Variants in ADCY7 observed in about 807,000 individuals in gnomAD.
ADCY7 encodes the protein adenylate cyclase 7.
A neutral mutation model predicts 120.6 loss-of-function variants in ADCY7; 72 were observed. That is an observed-to-expected ratio of 0.60 (90% CI 0.49 to 0.73). The LOEUF (loss-of-function observed/expected upper bound fraction) is 0.73, where lower values mean the gene tolerates loss of function less well. Ranked by LOEUF, ADCY7 falls within the 30% of genes least tolerant of loss-of-function variation. ADCY7 has a pLI of 0.00. For synonymous variants in ADCY7, 661 were observed against 628.0 expected, an observed-to-expected ratio of 1.05 and a Z score of -0.78; for missense variants, 1,227 against 1,486.0, an observed-to-expected ratio of 0.83 and a Z score of 2.87.
At chr16:50,306,911 C>T (rs749366682) in intron 14 of ADCY7, 139 bp from the exon 15 acceptor site, 88 of 650,350 alleles carry the variant, frequency 1.4e-4, no homozygotes, top group East Asian at 8.7e-4. Context: ...CCTCCTTCCT[C>T]GGCTCCCAAA....
chr16:50,311,929 C>T (rs1567582461), intron 20 of ADCY7, 107 bp from the exon 21 acceptor site: 1 of 1,537,280 alleles, frequency 6.5e-7, no homozygotes, highest in East Asian at 2.3e-5. Context: ...GTCCCCTGGC[C>T]AGAGGCTCCA....
upstream of ADCY7, among the ~76,000 whole-genome samples, chr16:50,262,471 C>T (rs552253388): frequency 6.6e-5 from 10 of 152,032 alleles, no homozygotes; most frequent in East Asian, 7.8e-4. Flanking sequence ...GGGATTCAGG[C>T]GCCTGCCCTC....
At chr16:50,247,216 G>A (rs2032616954) in intron 1 of ADCY7, among the ~76,000 whole-genome samples, 4 of 152,246 alleles carry the variant, frequency 2.6e-5, no homozygotes, top group Admixed American at 2.6e-4. Context: ...CCTTGTAGAA[G>A]GGAGTTTGTG....
intron 22 of ADCY7, chr16:50,313,632 G>A (rs1274865976): frequency 3.4e-6 from 1 of 293,470 alleles, no homozygotes. Context: ...AAGCCAAACA[G>A]AGGAAATCAG....
At chr16:50,261,790 C>T (rs2033064546), upstream of ADCY7, among the ~76,000 whole-genome samples, 1 of 152,228 alleles carries the variant, frequency 6.6e-6, no homozygotes, top group Admixed American at 6.5e-5. Context: ...CCTGAAGGCT[C>T]CTCTTCATCC....
intron 23 of ADCY7, 51 bp downstream of exon 23, chr16:50,314,113 GAC>G (rs1269122680): frequency 6.4e-7 from 1 of 1,560,930 alleles, no homozygotes; most frequent in Non-Finnish European, 8.8e-7. Context: ...ACTTAAAGGT[GAC>G]CTGTCACCTT....
At position 50,304,509 on chromosome 16, in the gene ADCY7, G is replaced by A. The variant is rs139251427; in HGVS notation, c.1518G>A (p.Val506=). ...PFAHLNHRES[V]SSGETHVPNG... ...CACATCTCAACCACCGTGAGAGCGT[G>A]AGCAGTGGTGAGACCCACGTCCCCA... Residue 506 remains valine, a synonymous_variant, in exon 11 of 26, where the codon GTG becomes GTA. Transcript: ENST00000673801. 49 of 1,593,306 alleles carry A rather than the reference G, an allele frequency of 3.1e-5. No individual in the cohort carries two copies. Among genetic ancestry groups the A allele is most frequent in the Non-Finnish European group, 3.1e-5 (36 of 1,170,268 alleles).
chr16:50,301,281 G>T, intron 10 of ADCY7, 67 bp downstream of exon 10: 2 of 1,510,574 alleles, frequency 1.3e-6, no homozygotes, highest in South Asian at 1.3e-5. Flanking sequence ...GGAGAGCCTG[G>T]CCCGCACCTT....
At chr16:50,284,904 C>A (rs778186896) in intron 1 of ADCY7, among the ~76,000 whole-genome samples, 1 of 152,066 alleles carries the variant, frequency 6.6e-6, no homozygotes, top group African/African-American at 2.4e-5. Context: ...GTGCAGGTGC[C>A]GGGGGTGACA....
intron 1 of ADCY7, among the ~76,000 whole-genome samples, chr16:50,248,779 A>T (rs1467652044): frequency 6.6e-6 from 1 of 152,186 alleles, no homozygotes; most frequent in Non-Finnish European, 1.5e-5. Context: ...GGCTGATGCC[A>T]GTTTCTGAAT....
chr16:50,301,205 C>T lies in ADCY7; in HGVS notation c.1359C>T (p.Ile453=), dbSNP rs777729472. 24 of 1,595,422 alleles carry T rather than the reference C, an allele frequency of 1.5e-5. No individual in the cohort carries two copies. Among genetic ancestry groups the T allele is most frequent in the African/African-American group, 4.0e-5 (3 of 74,502 alleles). Residue 453 remains isoleucine (I), a synonymous_variant, in exon 10 of 26, where the codon ATC becomes ATT. Coordinates refer to ENST00000673801, the MANE Select transcript of ADCY7 (RefSeq NM_001114.5). ...KEMNIRTYLV[I]DPRSQQPPPP... ...TGAACATCCGCACCTACCTGGTCAT[C>T]GACCCCCGGGTACGAGGGCTCAGAG...
Position 50,301,404 on chromosome 16 carries a change from A to G in ADCY7, c.1368+190A>G, listed in dbSNP as rs540367207. Among the ~76,000 whole-genome samples, 517 of 152,300 alleles carry G rather than the reference A, an allele frequency of 3.4e-3. 3 individuals are homozygous for G. Among genetic ancestry groups the G allele is most frequent in the African/African-American group, 0.012 (500 of 41,564 alleles). ...CCGAGTAGCCACTCCCTGGGCCTCCATTCTTTTCTATGTGATGGGAAAACA... is the reference window on the plus strand; with the variant it reads ...CCGAGTAGCCACTCCCTGGGCCTCCGTTCTTTTCTATGTGATGGGAAAACA... On this transcript the variant is annotated intron_variant, in intron 10 of 25. Transcript: ENST00000673801.
chr16:50,254,419 T>G (rs922181532), intron 1 of ADCY7, among the ~76,000 whole-genome samples: 4 of 152,148 alleles, frequency 2.6e-5, no homozygotes, highest in African/African-American at 9.7e-5. Flanking sequence ...CTGTTAGAAC[T>G]AATAAACTAA....
chr16:50,301,671 C>T (rs1166711383), intron 10 of ADCY7: 1 of 175,606 alleles, frequency 5.7e-6, no homozygotes, highest in East Asian at 1.6e-4. Flanking sequence ...ACTGCAGGTC[C>T]CCTGGTGGCT....
rs1324004856 is a variant in ADCY7 at position 50,317,759 on chromosome 16, A to ATGAC, written c.*2255_*2258dup. 3.9e-5 allele frequency: 6 copies of ATGAC among 152,308 alleles called. No individual in the cohort carries two copies. Among genetic ancestry groups the ATGAC allele is most frequent in the Admixed American group, 2.0e-4 (3 of 15,274 alleles). The allele number at this position is 152,308 out of a possible 1,614,324, so 9.4% of individuals were successfully genotyped here. On this transcript the variant is annotated 3_prime_UTR_variant, in exon 26 of 26. Coordinates refer to ENST00000673801, the MANE Select transcript of ADCY7 (RefSeq NM_001114.5). ...GTAATTACTGGTGTCATTTTGTTTTATGACAGACACACGTATCTAACAAAC... is the reference window on the plus strand; with the variant it reads ...GTAATTACTGGTGTCATTTTGTTTTATGACTGACAGACACACGTATCTAACAAAC...
rs1333719604 is a variant in ADCY7, at chr16:50,291,867, C to CA, written c.508dup (p.Thr170AsnfsTer89). On this transcript the variant is annotated frameshift_variant, in exon 4 of 26. Coordinates refer to ENST00000673801, the MANE Select transcript of ADCY7 (RefSeq NM_001114.5). LOFTEE classifies it high-confidence loss of function. ...TGCTCGGTTCTTTGATGGGAGGCTT[C>CA]ACGACACCCAGTGTCCGGGTGGGGC... The CA allele has an allele frequency of 1.9e-6, 3 of 1,613,518 alleles. No individual in the cohort carries two copies. Among genetic ancestry groups the CA allele is most frequent in the Non-Finnish European group, 2.5e-6 (3 of 1,179,634 alleles).
intron 1 of ADCY7, among the ~76,000 whole-genome samples, chr16:50,273,033 G>C (rs940723786): frequency 5.9e-5 from 9 of 152,170 alleles, no homozygotes; most frequent in Non-Finnish European, 1.3e-4. Flanking sequence ...CTGCCCTTTG[G>C]GGGCAGGCAG....
At chr16:50,247,539 ATTTTTT>A (rs5816683) in intron 1 of ADCY7, among the ~76,000 whole-genome samples, 2 of 111,374 alleles carry the variant, frequency 1.8e-5, no homozygotes, top group Non-Finnish European at 1.7e-5. Context: ...TAATTTAGTA[ATTTTTT>A]TTTTTTTTTT....
At chr16:50,295,176 G>A (rs140132935) in intron 7 of ADCY7, among the ~76,000 whole-genome samples, 17 of 152,046 alleles carry the variant, frequency 1.1e-4, no homozygotes, top group African/African-American at 3.9e-4. Context: ...AAACTTTTAC[G>A]TTTTGTTTGT....
Sources: gnomAD v4.1 joint callset for allele counts (sites outside exome capture counted in the v4.1 genomes callset) on GRCh38, gnomAD v4.1.1 for gene constraint, MANE v1.5 for transcripts, NCBI Gene and HGNC (gene_info 2026-07-23, HGNC 2026-07-21) for gene names.